SGMS1: variants seen among roughly 807,000 people sequenced by gnomAD.
SGMS1 encodes the protein sphingomyelin synthase 1, also known as phosphatidylcholine:ceramide cholinephosphotransferase 1.
SGMS1 carries 13 observed loss-of-function variants against 46.2 expected under a neutral mutation model. The ratio of observed to expected loss-of-function variants is 0.28; its 90% confidence interval spans 0.18 to 0.45. SGMS1 has a LOEUF of 0.45. Ranked by LOEUF, SGMS1 falls within the 20% of genes least tolerant of loss-of-function variation. The pLI, the probability that SGMS1 is intolerant of heterozygous loss-of-function variation, is 1.00. For synonymous variants in SGMS1, 203 were observed against 187.8 expected (o/e 1.08, Z -0.66); for missense variants, 324 against 519.9 (o/e 0.62, Z 3.66).
At chr10:50,329,473 TAATA>T (rs1281273351) in intron 7 of SGMS1, among the ~76,000 whole-genome samples, 7 of 152,224 alleles carry the variant, frequency 4.6e-5, no homozygotes, top group African/African-American at 1.7e-4. Flanking sequence ...CTTTGGCATT[TAATA>T]TTTTTGAAAT....
intron 1 of SGMS1, among the ~76,000 whole-genome samples, chr10:50,615,711 A>G (rs935370941): frequency 2.0e-5 from 3 of 152,184 alleles, no homozygotes; most frequent in Non-Finnish European, 4.4e-5. Context: ...TGGGCCCTCA[A>G]GGCTCCCAAC....
chr10:50,520,980 G>T (rs1172686119), intron 2 of SGMS1, among the ~76,000 whole-genome samples: 1 of 151,842 alleles, frequency 6.6e-6, no homozygotes, highest in Admixed American at 6.6e-5. Context: ...ATGGGCTGAA[G>T]CAATCCTCCC....
At chr10:50,542,678 TAGAG>T (rs955030111) in intron 2 of SGMS1, among the ~76,000 whole-genome samples, 15 of 148,926 alleles carry the variant, frequency 1.0e-4, no homozygotes, top group Non-Finnish European at 1.3e-4. Context: ...AATGCACTTA[TAGAG>T]AGAGGGGAGA....
At chr10:50,322,353 G>A (rs1035745064) in intron 8 of SGMS1, among the ~76,000 whole-genome samples, 4 of 152,130 alleles carry the variant, frequency 2.6e-5, no homozygotes, top group Non-Finnish European at 4.4e-5. Context: ...AATGAGAGTC[G>A]AAAACAGTGC....
Position 50,344,116 on chromosome 10 carries a change from G to A in SGMS1, c.-2C>T. 1 of 1,598,238 alleles carries A rather than the reference G, an allele frequency of 6.3e-7. No individual in the cohort carries two copies. On this transcript the variant is annotated 5_prime_UTR_variant, in exon 7 of 11. Coordinates refer to ENST00000361781, the MANE Select transcript of SGMS1 (RefSeq NM_147156.4). The stretch of plus-strand genomic sequence containing the variant: ...TGACCAATAAACCACTTCCTTCATT[G>A]TACTGGCAGACAGCAGGCAGTCCCC...
intron 6 of SGMS1, among the ~76,000 whole-genome samples, chr10:50,382,592 C>CACACA (rs1360299354): frequency 9.0e-4 from 135 of 149,256 alleles, no homozygotes; most frequent in African/African-American, 2.5e-3. Flanking sequence ...CACACACACA[C>CACACA]AACTTCCCCA....
chr10:50,545,355 C>T (rs1457230871), intron 2 of SGMS1, among the ~76,000 whole-genome samples: 1 of 152,104 alleles, frequency 6.6e-6, no homozygotes, highest in Non-Finnish European at 1.5e-5. Context: ...GGAAAGTAGT[C>T]GACTCATGGG....
intron 1 of SGMS1, among the ~76,000 whole-genome samples, chr10:50,592,551 C>T (rs1000669844): frequency 1.3e-5 from 2 of 152,078 alleles, no homozygotes; most frequent in African/African-American, 4.8e-5. Context: ...CAGATTGTTG[C>T]CAGATCTAGG....
chr10:50,521,782 T>C (rs1230075807), intron 2 of SGMS1, among the ~76,000 whole-genome samples: 2 of 152,154 alleles, frequency 1.3e-5, no homozygotes, highest in African/African-American at 4.8e-5. Flanking sequence ...ACTACAAAAG[T>C]GATATTTTCT....
intron 2 of SGMS1, among the ~76,000 whole-genome samples, chr10:50,574,963 G>GTGTATA (rs1554793448): frequency 4.0e-5 from 4 of 99,864 alleles, no homozygotes; most frequent in African/African-American, 1.2e-4. Context: ...AAAATGTGGT[G>GTGTATA]TATATATATA....
chr10:50,375,844 C>A (rs1004792462), intron 6 of SGMS1, among the ~76,000 whole-genome samples: 1 of 152,020 alleles, frequency 6.6e-6, no homozygotes, highest in African/African-American at 2.4e-5. Flanking sequence ...AAAAATAACC[C>A]TTTTTTCCCT....
At chr10:50,571,994 A>G (rs574744763) in intron 2 of SGMS1, among the ~76,000 whole-genome samples, 1 of 152,320 alleles carries the variant, frequency 6.6e-6, no homozygotes, top group Admixed American at 6.5e-5. Flanking sequence ...GAAGACCAAC[A>G]AAGGAAAATG....
intron 3 of SGMS1, among the ~76,000 whole-genome samples, chr10:50,486,570 A>G (rs1425975349): frequency 2.0e-5 from 3 of 152,240 alleles, no homozygotes; most frequent in East Asian, 1.9e-4. Flanking sequence ...AAAGCTCAAC[A>G]TCACTGATCA....
At position 50,307,142 on chromosome 10, in the gene SGMS1, T is replaced by C. The variant is rs774748144; in HGVS notation, c.1242A>G (p.Ter414=). 1 of 1,613,810 alleles carries C rather than the reference T, an allele frequency of 6.2e-7. No individual in the cohort carries two copies. The highest frequency in any genetic ancestry group is 1.7e-5 in the Admixed American group (1 of 60,000). The change falls in exon 11 of 11, where the codon TAA becomes TAG. Residue 414 remains the stop codon, a stop_retained_variant. Coordinates refer to ENST00000361781, the MANE Select transcript of SGMS1 (RefSeq NM_147156.4). The surrounding 1 kb of genome is among the most constrained non-coding windows in gnomAD (Gnocchi z 4.2). ...GTCTTTTCCCCACTTTGTACAGCTGTTATGTGTCATTCACCAGCCGGCTGT... is the reference window on the plus strand; with the variant it reads ...GTCTTTTCCCCACTTTGTACAGCTGCTATGTGTCATTCACCAGCCGGCTGT... ...VKYSRLVNDT[*] is the part of the protein sequence containing the mutation.
At chr10:50,554,737 T>C (rs1474842907) in intron 2 of SGMS1, among the ~76,000 whole-genome samples, 1 of 152,244 alleles carries the variant, frequency 6.6e-6, no homozygotes, top group Non-Finnish European at 1.5e-5. Flanking sequence ...TTCCAAGGGA[T>C]ATAAATTAAG....
chr10:50,359,797 A>C (rs1848218540), intron 6 of SGMS1, among the ~76,000 whole-genome samples: 1 of 152,196 alleles, frequency 6.6e-6, no homozygotes, highest in African/African-American at 2.4e-5. Context: ...TTCCATATCT[A>C]TAGTAATACA....
At chr10:50,408,312 CATT>C (rs1849046358) in intron 6 of SGMS1, among the ~76,000 whole-genome samples, 1 of 150,972 alleles carries the variant, frequency 6.6e-6, no homozygotes, top group Non-Finnish European at 1.5e-5. Flanking sequence ...AGTTTAAAAA[CATT>C]ATAACTGGCA....
intron 2 of SGMS1, among the ~76,000 whole-genome samples, chr10:50,576,884 T>C (rs945482901): frequency 3.9e-5 from 6 of 152,222 alleles, no homozygotes; most frequent in African/African-American, 9.6e-5. Flanking sequence ...ATGGTTGTCC[T>C]ATGGGCAAAT....
chr10:50,363,523 C>T (rs1385042289), intron 6 of SGMS1, among the ~76,000 whole-genome samples: 1 of 152,146 alleles, frequency 6.6e-6, no homozygotes, highest in African/African-American at 2.4e-5. Flanking sequence ...CCATAGAATA[C>T]TGAAGTTTAT....
Sources: gnomAD v4.1 joint callset for allele counts (sites outside exome capture counted in the v4.1 genomes callset) on GRCh38, gnomAD v4.1.1 for gene constraint, Gnocchi (gnomAD v3.1) non-coding constraint, MANE v1.5 for transcripts, NCBI Gene and HGNC (gene_info 2026-07-23, HGNC 2026-07-21) for gene names.